PTPRA: variants seen among roughly 807,000 people sequenced by gnomAD.
The protein encoded by PTPRA is protein tyrosine phosphatase receptor type A.
Under a neutral mutation model 104.8 loss-of-function variants are expected in PTPRA, and 25 were observed. That is an observed-to-expected ratio of 0.24 (90% CI 0.17 to 0.33). The LOEUF is 0.33. PTPRA is among the 10% of genes least tolerant of loss of function. PTPRA has a pLI of 1.00. For synonymous variants in PTPRA, 323 were observed against 368.9 expected (o/e 0.88, Z 1.43); for missense variants, 765 against 1,015.3 (o/e 0.75, Z 3.35).
chr20:2,960,011 A>C (rs1488350837), intron 3 of PTPRA, among the ~76,000 whole-genome samples: 1 of 152,162 alleles, frequency 6.6e-6, no homozygotes, highest in African/African-American at 2.4e-5. Context: ...CAACACCTGC[A>C]CAGCCTCCTC....
intron 1 of PTPRA, among the ~76,000 whole-genome samples, chr20:2,908,238 A>C (rs951766453): frequency 6.6e-6 from 1 of 152,196 alleles, no homozygotes; most frequent in Non-Finnish European, 1.5e-5. Flanking sequence ...TTAGTTTGGT[A>C]ACATTGATGT....
Position 3,020,078 on chromosome 20 carries a change from G to GGGAGAT in PTPRA, c.1042-1226_1042-1225insTGGAGA, listed in dbSNP as rs879680316. ...GGGAGACCGTGGAAAGAGAGGGAGA[G>GGGAGAT]GGAGACCGTGGGGAGAGGGAGAGGG... is the stretch of plus-strand genomic sequence containing the variant. On this transcript the variant is annotated intron_variant, in intron 13 of 23. Transcript: ENST00000399903. Among the ~76,000 whole-genome samples, 415 of 152,168 alleles carry GGGAGAT rather than the reference G, an allele frequency of 2.7e-3. 2 individuals carry two copies. Among genetic ancestry groups the GGGAGAT allele is most frequent in the African/African-American group, 9.6e-3 (397 of 41,466 alleles).
chr20:2,967,238 A>G (rs1487590680), intron 5 of PTPRA, among the ~76,000 whole-genome samples: 2 of 152,316 alleles, frequency 1.3e-5, no homozygotes, highest in South Asian at 2.1e-4. Flanking sequence ...TGCCACAGCT[A>G]AGAATCTAGT....
At chr20:2,951,770 C>T (rs1482431853) in intron 3 of PTPRA, among the ~76,000 whole-genome samples, 3 of 152,314 alleles carry the variant, frequency 2.0e-5, no homozygotes, top group Non-Finnish European at 4.4e-5. Flanking sequence ...CCTTCCTCTT[C>T]GGAACTGCGA....
At chr20:2,965,831 G>A (rs1199833621) in intron 5 of PTPRA, among the ~76,000 whole-genome samples, 4 of 152,198 alleles carry the variant, frequency 2.6e-5, no homozygotes, top group African/African-American at 9.7e-5. Flanking sequence ...GAGAAAATCA[G>A]AGACGTGGAT....
upstream of PTPRA, among the ~76,000 whole-genome samples, chr20:2,872,230 G>A (rs558118944): frequency 7.6e-4 from 115 of 152,180 alleles, 1 homozygote; most frequent in East Asian, 0.019. The surrounding 1 kb of genome is among the most constrained non-coding windows in gnomAD (Gnocchi z 7.9). Flanking sequence ...TGGAGATGGT[G>A]GGGGCTGCTG....
chr20:2,898,161 A>T (rs2059090449), intron 1 of PTPRA, among the ~76,000 whole-genome samples: 1 of 151,552 alleles, frequency 6.6e-6, no homozygotes, highest in South Asian at 2.1e-4. Context: ...CAGTGGCGCG[A>T]TCTCGGCTCA....
At chr20:3,031,194 C>G (rs1390106791) in intron 20 of PTPRA, among the ~76,000 whole-genome samples, 4 of 152,078 alleles carry the variant, frequency 2.6e-5, no homozygotes, top group African/African-American at 9.7e-5. Flanking sequence ...CTGTGTGTCC[C>G]CATCACCATG....
intron 1 of PTPRA, 81 bp from the exon 2 acceptor site, chr20:2,923,126 G>A (rs1158809922): frequency 1.9e-6 from 1 of 525,944 alleles, no homozygotes; most frequent in Non-Finnish European, 2.8e-6. Flanking sequence ...ATGTTGCCTA[G>A]GCTGGGCTTG....
chr20:2,986,153 C>T (rs948344398), intron 6 of PTPRA, among the ~76,000 whole-genome samples: 15 of 152,124 alleles, frequency 9.9e-5, no homozygotes, highest in African/African-American at 2.7e-4. Context: ...GCAATCCACC[C>T]GCTTTGTCCT....
At chr20:2,939,671 A>G (rs2060832456) in intron 2 of PTPRA, among the ~76,000 whole-genome samples, 1 of 152,186 alleles carries the variant, frequency 6.6e-6, no homozygotes. Context: ...AAGTTAAACC[A>G]AACCAAACAA....
chr20:2,934,153 G>T, intron 2 of PTPRA, among the ~76,000 whole-genome samples: 1 of 152,048 alleles, frequency 6.6e-6, no homozygotes, highest in Non-Finnish European at 1.5e-5. Flanking sequence ...GTCCAGGCTG[G>T]AGTACAGTGG....
chr20:2,878,639 A>G (rs575513863), intron 1 of PTPRA, among the ~76,000 whole-genome samples: 101 of 152,316 alleles, frequency 6.6e-4, no homozygotes, highest in African/African-American at 2.3e-3. Flanking sequence ...CTTACTCCCA[A>G]CCTGGGCTCA....
In PTPRA at chr20:3,021,410, G is replaced by A. The variant is rs767525547; in HGVS notation, c.1143G>A (p.Arg381=). The stretch of plus-strand genomic sequence containing the variant: ...CTGTCCTGGTGGACTACACAGTACG[G>A]AAGTTCTGCATCCAGCAGGTAGTGT... ...DVTVLVDYTV[R]KFCIQQVGDM... is the part of the protein sequence containing the mutation. Residue 381 remains arginine (R), a synonymous_variant, in exon 14 of 24, where the codon CGG becomes CGA. Transcript: ENST00000399903. 1 of 1,614,106 alleles carries A rather than the reference G, an allele frequency of 6.2e-7. No individual in the cohort carries two copies. Among genetic ancestry groups the A allele is most frequent in the Admixed American group, 1.7e-5 (1 of 60,026 alleles).
At chr20:3,028,892 GA>G (rs2065275682) in intron 20 of PTPRA, among the ~76,000 whole-genome samples, 1 of 152,174 alleles carries the variant, frequency 6.6e-6, no homozygotes, top group Non-Finnish European at 1.5e-5. Flanking sequence ...TGGTGGCCTG[GA>G]CTCGGGTGGT....
At chr20:2,898,158 G>A (rs565302378) in intron 1 of PTPRA, among the ~76,000 whole-genome samples, 2,120 of 151,844 alleles carry the variant, frequency 0.014, 56 homozygotes, top group African/African-American at 0.048. Flanking sequence ...GTGCAGTGGC[G>A]CGATCTCGGC....
intron 2 of PTPRA, among the ~76,000 whole-genome samples, chr20:2,932,628 G>A (rs1048563949): frequency 6.6e-6 from 1 of 152,210 alleles, no homozygotes; most frequent in Admixed American, 6.5e-5. Context: ...GAGAGGTCAT[G>A]TCCTCTTGTC....
chr20:2,989,748 T>C (rs780056631), intron 9 of PTPRA, among the ~76,000 whole-genome samples: 43 of 152,156 alleles, frequency 2.8e-4, no homozygotes, highest in Non-Finnish European at 5.7e-4. Flanking sequence ...CTGGGCACGG[T>C]GGCTCACGCC....
intron 2 of PTPRA, among the ~76,000 whole-genome samples, chr20:2,942,978 A>T (rs1226909434): frequency 6.6e-6 from 1 of 151,864 alleles, no homozygotes; most frequent in Non-Finnish European, 1.5e-5. Context: ...CAATACTTAT[A>T]ATAATATGCC....
Sources: gnomAD v4.1 joint callset for allele counts (sites outside exome capture counted in the v4.1 genomes callset) on GRCh38, gnomAD v4.1.1 for gene constraint, Gnocchi (gnomAD v3.1) non-coding constraint, MANE v1.5 for transcripts, NCBI Gene and HGNC (gene_info 2026-07-23, HGNC 2026-07-21) for gene names.